Variants in MED12L observed in about 807,000 individuals in gnomAD.
MED12L encodes mediator of RNA polymerase II transcription subunit 12-like protein.
In MED12L, 60 loss-of-function variants were observed where a neutral mutation model predicts 281.3. The observed-to-expected ratio is 0.21, with a 90% CI of 0.17 to 0.26. MED12L has a LOEUF of 0.26. Ranked by LOEUF, MED12L falls within the 10% of genes least tolerant of loss-of-function variation. The pLI is 1.00. For synonymous variants in MED12L, 974 were observed against 987.2 expected, an observed-to-expected ratio of 0.99 and a Z score of 0.25; for missense variants, 2,146 against 2,680.9, an observed-to-expected ratio of 0.80 and a Z score of 4.41.
chr3:151,158,100 T>C (rs373068664), intron 6 of MED12L, among the ~76,000 whole-genome samples: 5 of 152,330 alleles, frequency 3.3e-5, no homozygotes, highest in African/African-American at 1.2e-4. Flanking sequence ...TTTTGGAAAT[T>C]GTAGGGGGTA....
At chr3:151,173,092 T>A (rs1721631523) in intron 11 of MED12L, among the ~76,000 whole-genome samples, 1 of 150,496 alleles carries the variant, frequency 6.6e-6, no homozygotes, top group South Asian at 2.1e-4. Flanking sequence ...TTTTTTTAAC[T>A]TTTTTGTGTG....
At chr3:151,355,624 G>T (rs1753815716) in intron 18 of MED12L, among the ~76,000 whole-genome samples, 1 of 152,180 alleles carries the variant, frequency 6.6e-6, no homozygotes, top group African/African-American at 2.4e-5. Flanking sequence ...TCAAATGGTT[G>T]TGTCTAAAAA....
At chr3:151,377,819 T>A (rs1711518320) in intron 30 of MED12L, among the ~76,000 whole-genome samples, 193 bp from the exon 31 acceptor site, 1 of 152,234 alleles carries the variant, frequency 6.6e-6, no homozygotes, top group Non-Finnish European at 1.5e-5. Context: ...TATTGCTTTC[T>A]GTAGGCTTAG....
At chr3:151,210,379 G>A (rs1166251909) in intron 16 of MED12L, among the ~76,000 whole-genome samples, 1 of 152,334 alleles carries the variant, frequency 6.6e-6, no homozygotes, top group Non-Finnish European at 1.5e-5. Flanking sequence ...GGCTGAAGAT[G>A]ACCAACGAAT....
chr3:151,387,812 T>A lies in MED12L; in HGVS notation c.5091T>A (p.Gly1697=). ...CTTAGAGCGCTATTTTCCCACAGGG[T>A]CTCCAGGTCTCTACGAAGCAGAAGG... ...AGFDSIDKKQ[G]LQVSTKQKVS... is the part of the protein sequence containing the mutation. Residue 1697 remains glycine, a splice_region_variant and synonymous_variant, in exon 37 of 45, where the codon GGT becomes GGA. Coordinates refer to ENST00000687756, the MANE Select transcript of MED12L (RefSeq NM_001393769.1). The A allele has an allele frequency of 6.2e-7, 1 of 1,608,352 alleles. No homozygotes were observed. Among genetic ancestry groups the A allele is most frequent in the Non-Finnish European group, 8.5e-7 (1 of 1,176,608 alleles).
chr3:151,240,815 G>C (rs1287531681), intron 16 of MED12L, among the ~76,000 whole-genome samples: 1 of 152,188 alleles, frequency 6.6e-6, no homozygotes, highest in Non-Finnish European at 1.5e-5. Context: ...CATTTCCTTA[G>C]GTCAGAGACA....
chr3:151,120,886 A>T (rs1466749182), intron 3 of MED12L, among the ~76,000 whole-genome samples: 1 of 152,042 alleles, frequency 6.6e-6, no homozygotes, highest in Admixed American at 6.6e-5. Context: ...GGGAATTTTG[A>T]CTTTGTTAAC....
chr3:151,159,615 A>C (rs974452625), intron 7 of MED12L, among the ~76,000 whole-genome samples: 2 of 152,246 alleles, frequency 1.3e-5, no homozygotes, highest in Non-Finnish European at 2.9e-5. Flanking sequence ...AATAAAATAC[A>C]TTATTCTAAT....
intron 43 of MED12L, among the ~76,000 whole-genome samples, chr3:151,417,485 GC>G (rs1294893555): frequency 3.8e-4 from 4 of 10,568 alleles, no homozygotes; most frequent in South Asian, 3.0e-3. Context: ...CTCCCCCCCC[GC>G]CTTTTTTTTT....
intron 5 of MED12L, among the ~76,000 whole-genome samples, chr3:151,143,899 G>T (rs1174468503): frequency 1.3e-5 from 2 of 152,198 alleles, no homozygotes; most frequent in Non-Finnish European, 2.9e-5. Flanking sequence ...TTTAATATTT[G>T]TAAAAATGCT....
At chr3:151,425,275 T>C (rs979386790) in intron 43 of MED12L, 1 of 169,492 alleles carries the variant, frequency 5.9e-6, no homozygotes, top group Admixed American at 5.8e-5. Flanking sequence ...TTTATTTAAA[T>C]AGAAATTACT....
At chr3:151,147,956 C>T (rs1448252305) in intron 5 of MED12L, among the ~76,000 whole-genome samples, 1 of 152,230 alleles carries the variant, frequency 6.6e-6, no homozygotes, top group Non-Finnish European at 1.5e-5. Context: ...CTGTTTTCCA[C>T]ATATTACATT....
chr3:151,329,073 A>G (rs1750046362), intron 16 of MED12L: 3 of 1,222,412 alleles, frequency 2.5e-6, no homozygotes, highest in Middle Eastern at 2.0e-4. Flanking sequence ...TTCAAATGCT[A>G]TTTTTTAAAA....
intron 12 of MED12L, among the ~76,000 whole-genome samples, chr3:151,187,320 C>T (rs1723414739): frequency 1.3e-5 from 2 of 152,132 alleles, no homozygotes; most frequent in Non-Finnish European, 2.9e-5. Context: ...TGCTTTTCTC[C>T]TGCCTCTATT....
At position 151,370,256 on chromosome 3, in the gene MED12L, A is replaced by C. The variant is rs146331597; in HGVS notation, c.3664+707A>C. ...GGCTTTGAATGATTAGGAAGTCTTCAAGTCAGACTGCCTAATTCCAACTTT... is the reference window on the plus strand; with the variant it reads ...GGCTTTGAATGATTAGGAAGTCTTCCAGTCAGACTGCCTAATTCCAACTTT... On this transcript the variant is annotated intron_variant, in intron 26 of 44. Coordinates refer to ENST00000687756, the MANE Select transcript of MED12L (RefSeq NM_001393769.1). 1.4e-3 allele frequency among the ~76,000 whole-genome samples: 207 copies of C among 152,302 alleles called. 2 individuals are homozygous for C. The highest frequency in any genetic ancestry group is 4.5e-3 in the African/African-American group (189 of 41,560).
At chr3:151,093,941 A>G in intron 2 of MED12L, among the ~76,000 whole-genome samples, 1 of 152,190 alleles carries the variant, frequency 6.6e-6, no homozygotes, top group East Asian at 1.9e-4. Context: ...AGGAGATGAA[A>G]TGTGATCCTT....
At chr3:151,140,615 T>C (rs2148861328) in intron 5 of MED12L, among the ~76,000 whole-genome samples, 1 of 152,352 alleles carries the variant, frequency 6.6e-6, no homozygotes, top group Admixed American at 6.5e-5. Context: ...TGTATATTTA[T>C]GTTTAATTAA....
chr3:151,366,263 C>A (rs1009417026), intron 23 of MED12L, among the ~76,000 whole-genome samples: 1 of 152,216 alleles, frequency 6.6e-6, no homozygotes, highest in African/African-American at 2.4e-5. Context: ...GTTGAGATTT[C>A]TTCCATATGG....
rs1714075951 is a variant in MED12L at position 151,123,532 on chromosome 3, G to C, written c.396+558G>C. The stretch of plus-strand genomic sequence containing the variant: ...GGTTCTTTTAAAATCTTTGCCTTTG[G>C]TCATTTTTCTCAAGTGGGAAATAAT... On this transcript the variant is annotated intron_variant, in intron 4 of 44. Transcript: ENST00000687756. Among the ~76,000 whole-genome samples the C allele has an allele frequency of 1.3e-5, 2 of 152,046 alleles. 1 individual carries two copies. Among genetic ancestry groups the C allele is most frequent in the Non-Finnish European group, 2.9e-5 (2 of 67,988 alleles).
Sources: gnomAD v4.1 joint callset for allele counts (sites outside exome capture counted in the v4.1 genomes callset) on GRCh38, gnomAD v4.1.1 for gene constraint, MANE v1.5 for transcripts, NCBI Gene and HGNC (gene_info 2026-07-23, HGNC 2026-07-21) for gene names.